Variants in EDDM13 observed in about 807,000 individuals in gnomAD.
EDDM13 encodes the protein epididymal protein 13.
A neutral mutation model predicts 17.8 loss-of-function variants in EDDM13; 24 were observed. That is an observed-to-expected ratio of 1.35 (90% confidence interval 0.98 to 1.90). The LOEUF (loss-of-function observed/expected upper bound fraction) is 1.90. Ranked by LOEUF, EDDM13 falls within the 40% of genes most tolerant of loss-of-function variation. The probability of loss-of-function intolerance (pLI) is 0.00; values close to 1 mark genes in which losing one functional copy is unlikely to be tolerated. For synonymous variants in EDDM13, 31 were observed against 37.5 expected (o/e 0.83, Z 0.63); for missense variants, 97 against 100.8 (o/e 0.96, Z 0.16).
intron 5 of EDDM13, among the ~76,000 whole-genome samples, chr19:56,284,648 G>A (rs1016670042): frequency 1.3e-5 from 2 of 151,462 alleles, no homozygotes; most frequent in Non-Finnish European, 2.9e-5. Flanking sequence ...CTGAGTAGCT[G>A]GGATTACAGG....
intron 9 of EDDM13, among the ~76,000 whole-genome samples, chr19:56,293,774 G>A (rs1221687496): frequency 6.6e-6 from 1 of 152,158 alleles, no homozygotes; most frequent in African/African-American, 2.4e-5. Context: ...AGGTGGTAGG[G>A]GAGGCTAACG....
At chr19:56,283,129 G>A (rs1328489253) in intron 4 of EDDM13, 1 of 152,164 alleles carries the variant, frequency 6.6e-6, no homozygotes, top group Admixed American at 6.6e-5. Context: ...AAGGTTAAGT[G>A]AACTTACGGT....
chr19:56,294,290 A>C (rs2039715742), intron 9 of EDDM13, among the ~76,000 whole-genome samples: 1 of 152,164 alleles, frequency 6.6e-6, no homozygotes, highest in South Asian at 2.1e-4. Flanking sequence ...CCTCACATTA[A>C]CCCAGGATGC....
At chr19:56,309,870 G>A (rs756448977) in intron 14 of EDDM13, among the ~76,000 whole-genome samples, 2 of 152,212 alleles carry the variant, frequency 1.3e-5, no homozygotes, top group Non-Finnish European at 2.9e-5. Context: ...TTGCCCTGGT[G>A]ATGGGGCAGA....
chr19:56,274,746 T>C (rs1408762780), intron 1 of EDDM13: 4 of 142,000 alleles, frequency 2.8e-5, no homozygotes, highest in African/African-American at 9.9e-5. Flanking sequence ...GGATCCCACC[T>C]TGTATTTTCA....
chr19:56,289,776 G>A (rs2039390755), intron 8 of EDDM13, among the ~76,000 whole-genome samples: 1 of 152,068 alleles, frequency 6.6e-6, no homozygotes, highest in Non-Finnish European at 1.5e-5. Context: ...ACCATACCCA[G>A]CTAATATTTT....
intron 3 of EDDM13, among the ~76,000 whole-genome samples, 182 bp downstream of exon 3, chr19:56,281,880 C>T (rs1388938006): frequency 2.0e-5 from 3 of 152,160 alleles, no homozygotes; most frequent in South Asian, 2.1e-4. Context: ...GGGGTGGGAA[C>T]GGTGCAACTG....
intron 6 of EDDM13, among the ~76,000 whole-genome samples, chr19:56,285,356 C>T (rs974149369): frequency 1.3e-5 from 2 of 152,186 alleles, no homozygotes; most frequent in Non-Finnish European, 2.9e-5. Context: ...AAGCAAGCAC[C>T]ATTTCTAGTC....
chr19:56,298,441 TC>T (rs1182811461), intron 12 of EDDM13, among the ~76,000 whole-genome samples: 1 of 152,116 alleles, frequency 6.6e-6, no homozygotes, highest in African/African-American at 2.4e-5. Context: ...ATTGAGACCA[TC>T]CCACCCAACA....
chr19:56,306,040 A>G (rs2040664035), intron 14 of EDDM13, among the ~76,000 whole-genome samples: 1 of 152,152 alleles, frequency 6.6e-6, no homozygotes, highest in South Asian at 2.1e-4. Flanking sequence ...AGACCACCTC[A>G]GACCTGGAAG....
intron 9 of EDDM13, among the ~76,000 whole-genome samples, chr19:56,291,162 T>C (rs2039484822): frequency 1.3e-5 from 2 of 152,112 alleles, no homozygotes; most frequent in South Asian, 4.1e-4. Flanking sequence ...CAAGAAAGCA[T>C]TGAGTTGTAC....
intron 6 of EDDM13, chr19:56,286,522 G>A (rs1440400843): frequency 6.6e-6 from 1 of 152,064 alleles, no homozygotes; most frequent in African/African-American, 2.4e-5. Flanking sequence ...TTGAGTAAGT[G>A]GTCAGCCTCA....
chr19:56,283,483 T>C (rs559103171), intron 4 of EDDM13: 1 of 152,304 alleles, frequency 6.6e-6, no homozygotes, highest in Admixed American at 6.5e-5. Context: ...AGCCATTCAA[T>C]GCCCACATCA....
chr19:56,289,598 G>A (rs1478533963), intron 8 of EDDM13, among the ~76,000 whole-genome samples: 1 of 152,106 alleles, frequency 6.6e-6, no homozygotes, highest in Non-Finnish European at 1.5e-5. Context: ...TCTCTTGTGT[G>A]TGGTGGTCTG....
At chr19:56,302,554 T>G (rs1363294599) in intron 13 of EDDM13, among the ~76,000 whole-genome samples, 1 of 47,248 alleles carries the variant, frequency 2.1e-5, no homozygotes, top group Admixed American at 2.9e-4. Context: ...CGTTCCTCCC[T>G]CCCTCCCCCC....
rs184059218 is a variant in EDDM13, at chr19:56,300,606, C to T, written c.296-1362C>T. Among the ~76,000 whole-genome samples, 206 of 152,232 alleles carry T rather than the reference C, an allele frequency of 1.4e-3. 3 individuals are homozygous for T. In the South Asian group the frequency reaches 0.027, roughly 20 times the overall value. Reference sequence around the variant, plus strand: ...TAGCTTTGAAAAAGATTAGTGTAAACGTTGAAGAGAGAGAGACTTGCAATG... The same window carrying T: ...TAGCTTTGAAAAAGATTAGTGTAAATGTTGAAGAGAGAGAGACTTGCAATG... On this transcript the variant is annotated intron_variant, in intron 12 of 14. Coordinates refer to ENST00000649256, the MANE Select transcript of EDDM13 (RefSeq NM_001354658.2).
At chr19:56,281,029 G>C (rs1366666297) in intron 2 of EDDM13, among the ~76,000 whole-genome samples, 1 of 152,164 alleles carries the variant, frequency 6.6e-6, no homozygotes, top group African/African-American at 2.4e-5. Flanking sequence ...CTGTTGACCA[G>C]AAGACTTACT....
At chr19:56,286,097 T>C (rs975618004) in intron 6 of EDDM13, among the ~76,000 whole-genome samples, 16 of 152,082 alleles carry the variant, frequency 1.1e-4, no homozygotes, top group African/African-American at 1.9e-4. Flanking sequence ...TCTCAGCTCA[T>C]TGCAACCTCC....
intron 6 of EDDM13, among the ~76,000 whole-genome samples, chr19:56,287,354 T>C (rs1008552157): frequency 2.0e-5 from 3 of 152,230 alleles, no homozygotes; most frequent in African/African-American, 7.2e-5. Flanking sequence ...CTCGAGCACA[T>C]GGTTCCTCAC....
Sources: allele counts gnomAD v4.1 joint callset (sites outside exome capture counted in the v4.1 genomes callset), GRCh38; gene constraint gnomAD v4.1.1; transcripts MANE v1.5; gene names NCBI Gene and HGNC (gene_info 2026-07-23, HGNC 2026-07-21).